The following C1orf141 variants were observed in gnomAD, a reference collection of about 807,000 sequenced individuals.
C1orf141 encodes the protein uncharacterized protein C1orf141.
C1orf141 carries 19 observed loss-of-function variants against 23.2 expected under a neutral mutation model. That is an observed-to-expected ratio of 0.82 (90% CI 0.57 to 1.20). The LOEUF is 1.20. Among genes scored for constraint, C1orf141 ranks in the 50% most tolerant of loss-of-function variants. The pLI is 0.00. For missense variants in C1orf141, 469 were observed against 455.1 expected (o/e 1.03, Z -0.28); for synonymous variants, 153 against 154.6 (o/e 0.99, Z 0.08).
At chr1:67,104,111 T>C (rs893127269) in intron 5 of C1orf141, among the ~76,000 whole-genome samples, 1 of 151,942 alleles carries the variant, frequency 6.6e-6, no homozygotes, top group Admixed American at 6.6e-5. Context: ...ATAGATAGGA[T>C]TTGCATACAC....
upstream of C1orf141, among the ~76,000 whole-genome samples, chr1:67,138,577 C>G (rs1646605268): frequency 6.6e-6 from 1 of 152,060 alleles, no homozygotes; most frequent in African/African-American, 2.4e-5. Flanking sequence ...GCTTGACATT[C>G]CCTTCCAAAT....
At chr1:67,127,391 A>C in intron 2 of C1orf141, 134 bp from the exon 3 acceptor site, 1 of 572,266 alleles carries the variant, frequency 1.7e-6, no homozygotes, top group Non-Finnish European at 3.0e-6. Context: ...CATACAGTAA[A>C]TCATAGAATT....
At chr1:67,129,825 C>T (rs752885796) in intron 2 of C1orf141, among the ~76,000 whole-genome samples, 9 of 152,146 alleles carry the variant, frequency 5.9e-5, no homozygotes, top group Non-Finnish European at 1.3e-4. Context: ...CTTGTCAGTG[C>T]CTCAAAACCT....
At chr1:67,099,033 T>C (rs1645745184) in intron 5 of C1orf141, among the ~76,000 whole-genome samples, 1 of 152,132 alleles carries the variant, frequency 6.6e-6, no homozygotes, top group Non-Finnish European at 1.5e-5. Flanking sequence ...CCAATAGCTT[T>C]GGAAGAAGAA....
rs1384962696 is a variant in C1orf141, at chr1:67,093,054, G to A, written c.1154C>T (p.Pro385Leu). Residue 385 changes from proline (P) to leucine (L), a missense_variant, in exon 8 of 8, where the codon CCA becomes CTA. Physicochemically the swap from Pro to Leu is moderately conservative, Grantham distance 98. Coordinates refer to ENST00000684719, the MANE Select transcript of C1orf141 (RefSeq NM_001276351.2). ...KYIYELNNVT[P>L]LDNLLNLSNE... is the part of the protein sequence containing the mutation. ...TGATAAGTTTAACAAATTATCCAGT[G>A]GCGTTACATTATTTAGTTCATATAT... 1.9e-6 allele frequency: 3 copies of A among 1,596,780 alleles called. No homozygotes were observed. The highest frequency in any genetic ancestry group is 1.7e-5 in the Admixed American group (1 of 59,828).
At chr1:67,125,263 C>A (rs1646383228) in intron 4 of C1orf141, among the ~76,000 whole-genome samples, 1 of 151,968 alleles carries the variant, frequency 6.6e-6, no homozygotes, top group South Asian at 2.1e-4. Context: ...AAATATTATA[C>A]ATAATAAATA....
In C1orf141 at chr1:67,095,224, A is replaced by G. The variant is rs369669011; in HGVS notation, c.603+11T>C. On this transcript the variant is annotated intron_variant, in intron 7 of 7. Transcript: ENST00000684719. ...ACATATTTACTTAACAATAGATGATATGCTTATTACCATGTGAGAAGTTAC... is the reference window on the plus strand; with the variant it reads ...ACATATTTACTTAACAATAGATGATGTGCTTATTACCATGTGAGAAGTTAC... 6 of 1,456,952 alleles carry G rather than the reference A, an allele frequency of 4.1e-6. No homozygotes were observed. Among genetic ancestry groups the G allele is most frequent in the African/African-American group, 2.8e-5 (2 of 70,240 alleles). The allele number at this position is 1,456,952 out of a possible 1,614,324, so 90.3% of individuals were successfully genotyped here.
Position 67,113,660 on chromosome 1 carries a change from C to T in C1orf141, c.346+1692G>A, listed in dbSNP as rs529491843. The T allele has an allele frequency of 1.8e-4, 220 of 1,228,680 alleles. 1 individual carries two copies. Among genetic ancestry groups the T allele is most frequent in the Middle Eastern group, 9.0e-4 (4 of 4,452 alleles). The allele number at this position is 1,228,680 out of a possible 1,614,324, so 76.1% of individuals were successfully genotyped here. A position where few individuals can be genotyped will look rare whatever the true frequency, so the allele number is the denominator to read the frequency against. On this transcript the variant is annotated intron_variant, in intron 5 of 7. Transcript: ENST00000684719. ...GATTACAGCCATGAGCCACCGTGCC[C>T]GGCCAGGTCTTTGTAAGAAGTACAA...
chr1:67,108,934 G>A (rs1410923302), intron 5 of C1orf141, among the ~76,000 whole-genome samples: 1 of 152,046 alleles, frequency 6.6e-6, no homozygotes, highest in Non-Finnish European at 1.5e-5. Context: ...TTAAAAAATA[G>A]ACCTTGGCAT....
intron 5 of C1orf141, among the ~76,000 whole-genome samples, chr1:67,099,733 G>A (rs184946682): frequency 1.6e-4 from 25 of 152,250 alleles, no homozygotes; most frequent in Non-Finnish European, 2.2e-4. Context: ...CCAGGGTTGC[G>A]CCATTGCACT....
At chr1:67,119,863 A>T (rs941000372) in intron 4 of C1orf141, among the ~76,000 whole-genome samples, 1 of 152,240 alleles carries the variant, frequency 6.6e-6, no homozygotes, top group African/African-American at 2.4e-5. Context: ...CTCAAAAGCA[A>T]TTCAAAGATA....
chr1:67,128,369 A>C (rs111998730), intron 2 of C1orf141, among the ~76,000 whole-genome samples: 3 of 2,762 alleles, frequency 1.1e-3, no homozygotes, highest in African/African-American at 2.2e-3. Flanking sequence ...TTATTTATTT[A>C]TTTATTTATT....
intron 4 of C1orf141, among the ~76,000 whole-genome samples, chr1:67,125,284 T>C (rs1646383814): frequency 6.6e-6 from 1 of 152,150 alleles, no homozygotes; most frequent in African/African-American, 2.4e-5. Context: ...TTTTATAAAC[T>C]AGAAATATTC....
At chr1:67,137,389 A>G (rs959216722), upstream of C1orf141, among the ~76,000 whole-genome samples, 10 of 152,184 alleles carry the variant, frequency 6.6e-5, no homozygotes, top group Admixed American at 4.6e-4. Context: ...ACTCCCTAGC[A>G]TTGTTGAATG....
At chr1:67,108,176 T>A (rs1645977228) in intron 5 of C1orf141, among the ~76,000 whole-genome samples, 1 of 152,156 alleles carries the variant, frequency 6.6e-6, no homozygotes, top group African/African-American at 2.4e-5. Context: ...TTAAACAGGG[T>A]AATAGAAATA....
At chr1:67,132,454 C>T (rs183794495) in intron 1 of C1orf141, among the ~76,000 whole-genome samples, 30 of 151,904 alleles carry the variant, frequency 2.0e-4, no homozygotes, top group South Asian at 1.7e-3. Flanking sequence ...ACCCAGGTGG[C>T]GGAGGTTGCA....
At position 67,095,378 on chromosome 1, in the gene C1orf141, T is replaced by A; in HGVS notation, c.460A>T (p.Lys154Ter). The A allele has an allele frequency of 2.6e-6, 4 of 1,563,724 alleles. No individual in the cohort carries two copies. The highest frequency in any genetic ancestry group is 3.5e-6 in the Non-Finnish European group (4 of 1,148,224). Residue 154 changes from lysine (K) to a stop codon, truncating the protein, a stop_gained, in exon 7 of 8, where the codon AAA (lysine) becomes TAA (stop). Transcript: ENST00000684719. LOFTEE classifies it high-confidence loss of function. Reference protein sequence around the residue: ...QMNDFNIKENKSVRNYQLSKY... With the variant: ...QMNDFNIKEN Reference sequence around the variant, plus strand: ...CTTAATTGATAATTTCTGACCGATTTGTTTTCTTTTATATTAAAATCGTTC... The same window carrying A: ...CTTAATTGATAATTTCTGACCGATTAGTTTTCTTTTATATTAAAATCGTTC...
At chr1:67,129,371 A>G (rs1342968417) in intron 2 of C1orf141, among the ~76,000 whole-genome samples, 1 of 152,108 alleles carries the variant, frequency 6.6e-6, no homozygotes, top group Non-Finnish European at 1.5e-5. Context: ...TGGGAGAATC[A>G]AAAGGATCAT....
chr1:67,117,322 C>G (rs1646213916), intron 4 of C1orf141, among the ~76,000 whole-genome samples: 2 of 152,124 alleles, frequency 1.3e-5, no homozygotes, highest in South Asian at 4.2e-4. Context: ...ACTCGGGAGG[C>G]TGAGGCAGGA....
Sources: gnomAD v4.1 joint callset for allele counts (sites outside exome capture counted in the v4.1 genomes callset) on GRCh38, gnomAD v4.1.1 for gene constraint, MANE v1.5 for transcripts, NCBI Gene and HGNC (gene_info 2026-07-23, HGNC 2026-07-21) for gene names.